The following WDR25 variants were observed in gnomAD, a reference collection of about 807,000 sequenced individuals.
WDR25 encodes WD repeat-containing protein 25.
WDR25 carries 35 observed loss-of-function variants against 47.7 expected under a neutral mutation model. That is an observed-to-expected ratio of 0.73 (90% confidence interval 0.56 to 0.97). WDR25 has a LOEUF of 0.97. Among genes scored for constraint, WDR25 ranks in the 50% least tolerant of loss-of-function variants. WDR25 has a pLI of 0.00. For missense variants in WDR25, 634 were observed against 704.7 expected, an observed-to-expected ratio of 0.90 and a Z score of 1.14; for synonymous variants, 248 against 278.9, an observed-to-expected ratio of 0.89 and a Z score of 1.10.
intron 2 of WDR25, among the ~76,000 whole-genome samples, chr14:100,437,017 T>A (rs1339782451): frequency 6.6e-6 from 1 of 152,214 alleles, no homozygotes; most frequent in Non-Finnish European, 1.5e-5. Flanking sequence ...CTTTTAGCAC[T>A]GGGGCTGTGC....
rs544294755 is a variant in WDR25, at chr14:100,381,561, G to T, written c.637G>T (p.Val213Leu). ...PAGRAPAPLY[V>L]GPGVSEFIQP... ...AGGGCGTGCCCCAGCCCCTCTCTAC[G>T]TGGGCCCGGGAGTGTCTGAGTTTAT... The change falls in exon 2 of 7, where the codon GTG becomes TTG. Residue 213 changes from valine (V) to leucine (L), a missense_variant. By Grantham distance (32) the Val-to-Leu change is conservative. Coordinates refer to ENST00000402312, the MANE Select transcript of WDR25 (RefSeq NM_001161476.3). 1.9e-6 allele frequency: 3 copies of T among 1,609,728 alleles called. No individual in the cohort carries two copies. Among genetic ancestry groups the T allele is most frequent in the Non-Finnish European group, 2.5e-6 (3 of 1,177,074 alleles).
chr14:100,406,863 G>A (rs1452259267), intron 2 of WDR25: 1 of 152,364 alleles, frequency 6.6e-6, no homozygotes, highest in Non-Finnish European at 1.5e-5. Flanking sequence ...CAGGGCGGTT[G>A]GCAGATGTGA....
intron 4 of WDR25, among the ~76,000 whole-genome samples, chr14:100,522,652 G>T (rs2029915037): frequency 6.6e-6 from 1 of 152,242 alleles, no homozygotes; most frequent in Admixed American, 6.5e-5. Context: ...GCTGGGCACA[G>T]CACCCTTAGT....
At chr14:100,380,430 T>A (rs937176154) in intron 1 of WDR25, among the ~76,000 whole-genome samples, 7 of 152,238 alleles carry the variant, frequency 4.6e-5, no homozygotes, top group African/African-American at 1.7e-4. Context: ...TCAAAAATTT[T>A]ATCTTCTAAC....
intron 2 of WDR25, among the ~76,000 whole-genome samples, chr14:100,438,537 T>C (rs1898569400): frequency 6.6e-6 from 1 of 152,232 alleles, no homozygotes. Context: ...GCCCACTCTG[T>C]GCCAGACACC....
chr14:100,527,341 A>G (rs1445060795), intron 5 of WDR25, among the ~76,000 whole-genome samples: 1 of 152,178 alleles, frequency 6.6e-6, no homozygotes, highest in Non-Finnish European at 1.5e-5. Context: ...TGCTACCGTC[A>G]TCATTGTCAC....
chr14:100,473,182 T>C (rs1899902311), intron 3 of WDR25, among the ~76,000 whole-genome samples: 1 of 152,220 alleles, frequency 6.6e-6, no homozygotes, highest in African/African-American at 2.4e-5. Flanking sequence ...CTATGTGCCC[T>C]GGGTTCCAGC....
intron 2 of WDR25, among the ~76,000 whole-genome samples, chr14:100,445,619 C>G (rs752843688): frequency 2.0e-5 from 3 of 152,100 alleles, no homozygotes; most frequent in Non-Finnish European, 4.4e-5. Flanking sequence ...CTCCTTGTTG[C>G]CAGGGCTGAG....
chr14:100,509,378 TTTTTTAA>T, intron 4 of WDR25, among the ~76,000 whole-genome samples: 1 of 152,332 alleles, frequency 6.6e-6, no homozygotes, highest in South Asian at 2.1e-4. Flanking sequence ...TTTAACTTTA[TTTTTTAA>T]TGGCTGGGGT....
chr14:100,393,458 C>G (rs1394203902), intron 2 of WDR25, among the ~76,000 whole-genome samples: 3 of 152,144 alleles, frequency 2.0e-5, no homozygotes, highest in Admixed American at 6.5e-5. Context: ...GTTCCGGTAC[C>G]TGGGTGTCCT....
intron 3 of WDR25, among the ~76,000 whole-genome samples, chr14:100,481,937 T>G (rs1900217898): frequency 6.6e-6 from 1 of 152,226 alleles, no homozygotes; most frequent in Non-Finnish European, 1.5e-5. Flanking sequence ...TGCTTCCAAA[T>G]TTTGACCTGG....
chr14:100,393,044 C>T (rs1383807280), intron 2 of WDR25, among the ~76,000 whole-genome samples: 1 of 152,238 alleles, frequency 6.6e-6, no homozygotes, highest in East Asian at 1.9e-4. Flanking sequence ...CTAGAATTTT[C>T]CCTTGAAGCC....
intron 4 of WDR25, among the ~76,000 whole-genome samples, chr14:100,496,419 A>G (rs151012266): frequency 2.6e-5 from 4 of 152,192 alleles, no homozygotes; most frequent in Non-Finnish European, 4.4e-5. Flanking sequence ...AGTTTTATCA[A>G]TCTTACTGAT....
At chr14:100,380,598 G>T (rs773602794) in intron 1 of WDR25, among the ~76,000 whole-genome samples, 16 of 150,936 alleles carry the variant, frequency 1.1e-4, no homozygotes, top group Admixed American at 3.3e-4. Flanking sequence ...AGGTTCAAGC[G>T]ATCTCCTGCC....
At chr14:100,509,712 G>A (rs1419905939) in intron 4 of WDR25, among the ~76,000 whole-genome samples, 1 of 152,046 alleles carries the variant, frequency 6.6e-6, no homozygotes, top group African/African-American at 2.4e-5. Flanking sequence ...AAGTTTTTGT[G>A]CCCCTGTGTT....
At position 100,428,726 on chromosome 14, in the gene WDR25, G is replaced by T. The variant is rs1046948013; in HGVS notation, c.823-39295G>T. 3.3e-5 allele frequency among the ~76,000 whole-genome samples: 5 copies of T among 152,174 alleles called. No individual in the cohort carries two copies. The highest frequency in any genetic ancestry group is 7.4e-5 in the Non-Finnish European group (5 of 68,022). On this transcript the variant is annotated intron_variant, in intron 2 of 6. Transcript: ENST00000402312. This position sits in a 1 kb window ranked among gnomAD's most constrained non-coding sequence, Gnocchi z 4.3. ...TCTTTCTTCAAGTGGATGTATTTTTGAACATTTGATACCTTCTTTCAAAAG... is the reference window on the plus strand; with the variant it reads ...TCTTTCTTCAAGTGGATGTATTTTTTAACATTTGATACCTTCTTTCAAAAG...
intron 4 of WDR25, among the ~76,000 whole-genome samples, chr14:100,517,036 T>C (rs1309355909): frequency 6.6e-6 from 1 of 150,516 alleles, no homozygotes; most frequent in Non-Finnish European, 1.5e-5. Context: ...GCTCAAGCAG[T>C]CCTCCCACTT....
intron 4 of WDR25, among the ~76,000 whole-genome samples, chr14:100,513,327 A>G (rs1019118529): frequency 7.9e-5 from 12 of 152,204 alleles, no homozygotes; most frequent in Admixed American, 6.5e-5. Context: ...TGGAGGGAAC[A>G]AGGTGGGCCC....
chr14:100,503,988 C>T (rs981010796), intron 4 of WDR25, among the ~76,000 whole-genome samples: 3 of 152,268 alleles, frequency 2.0e-5, no homozygotes, highest in Admixed American at 2.0e-4. Flanking sequence ...AATTAATGAA[C>T]CTTTATGCAA....
Sources: allele counts gnomAD v4.1 joint callset (sites outside exome capture counted in the v4.1 genomes callset), GRCh38; gene constraint gnomAD v4.1.1; non-coding constraint Gnocchi (gnomAD v3.1); transcripts MANE v1.5; gene names NCBI Gene and HGNC (gene_info 2026-07-23, HGNC 2026-07-21).